Variants in DCBLD2 observed in about 807,000 individuals in gnomAD.
DCBLD2 encodes the protein discoidin, CUB and LCCL domain-containing protein 2.
A neutral mutation model predicts 86.8 loss-of-function variants in DCBLD2; 54 were observed. The ratio of observed to expected loss-of-function variants is 0.62; its 90% CI spans 0.50 to 0.78. DCBLD2 has a LOEUF of 0.78. Ranked by LOEUF, DCBLD2 falls within the 30% of genes least tolerant of loss-of-function variation. The probability of loss-of-function intolerance (pLI) is 0.00; values close to 1 mark genes in which losing one functional copy is unlikely to be tolerated. For missense variants in DCBLD2, 908 were observed against 954.2 expected (o/e 0.95, Z 0.64); for synonymous variants, 354 against 341.3 (o/e 1.04, Z -0.41).
At chr3:98,811,059 T>A (rs1941928643) in intron 12 of DCBLD2, 135 bp downstream of exon 12, 1 of 1,019,082 alleles carries the variant, frequency 9.8e-7, no homozygotes. Context: ...TGAAAGAAAA[T>A]AAATTTTTTT....
rs533648747 is a variant in DCBLD2 at position 98,828,211 on chromosome 3, T to C, written c.572-2845A>G. Among the ~76,000 whole-genome samples, 81 of 152,152 alleles carry C rather than the reference T, an allele frequency of 5.3e-4. 1 individual carries two copies. Among genetic ancestry groups the C allele is most frequent in the African/African-American group, 1.9e-3 (77 of 41,524 alleles). On this transcript the variant is annotated intron_variant, in intron 3 of 15. Transcript: ENST00000326840. Reference sequence around the variant, plus strand: ...GAAAACAAATAAAAATAAATGGAAGTTCATCAAGATTAAAAACTTTTGTAC... The same window carrying C: ...GAAAACAAATAAAAATAAATGGAAGCTCATCAAGATTAAAAACTTTTGTAC...
chr3:98,890,942 A>G (rs771592039), intron 1 of DCBLD2, among the ~76,000 whole-genome samples: 22 of 152,218 alleles, frequency 1.4e-4, no homozygotes, highest in Non-Finnish European at 1.3e-4. Flanking sequence ...GTTCCACTTC[A>G]TTTGAAACTC....
chr3:98,901,668 C>T lies in DCBLD2; in HGVS notation c.-342G>A, dbSNP rs1301679026. 2 of 186,246 alleles carry T rather than the reference C, an allele frequency of 1.1e-5. No individual in the cohort carries two copies. Among genetic ancestry groups the T allele is most frequent in the South Asian group, 1.9e-4 (1 of 5,186 alleles). 11.5% of individuals were successfully genotyped at this position (186,246 alleles called of 1,614,324 possible). On this transcript the variant is annotated 5_prime_UTR_variant, in exon 1 of 16. Transcript: ENST00000326840. ...GGTCGCCGCTCGCCGCGCTCACCCG[C>T]GGCTCCGGCTAGCTGGCAGGCAGGC...
chr3:98,843,270 T>G (rs1336037114), intron 3 of DCBLD2, among the ~76,000 whole-genome samples: 1 of 152,208 alleles, frequency 6.6e-6, no homozygotes, highest in East Asian at 1.9e-4. Context: ...GAATGTAAAC[T>G]GAAACTTCAT....
At position 98,847,808 on chromosome 3, in the gene DCBLD2, T is replaced by C. The variant is rs1942754625; in HGVS notation, c.571+1653A>G. The stretch of plus-strand genomic sequence containing the variant: ...AAATTTAAATGATTGTTTTGATATA[T>C]TCTTGTACTAGCAACACTTATTAAA... On this transcript the variant is annotated intron_variant, in intron 3 of 15. Transcript: ENST00000326840. Among the ~76,000 whole-genome samples, 7 of 152,266 alleles carry C rather than the reference T, an allele frequency of 4.6e-5. No individual in the cohort carries two copies. In the South Asian group the frequency reaches 1.4e-3, roughly 32 times the overall value.
At chr3:98,817,710 G>C in intron 9 of DCBLD2, 59 bp downstream of exon 9, 1 of 1,557,026 alleles carries the variant, frequency 6.4e-7, no homozygotes, top group Non-Finnish European at 8.8e-7. Flanking sequence ...AGAGCTCTGT[G>C]ACTTGGCAAC....
At chr3:98,884,921 GT>G (rs1657353431) in intron 1 of DCBLD2, among the ~76,000 whole-genome samples, 1 of 152,078 alleles carries the variant, frequency 6.6e-6, no homozygotes, top group Non-Finnish European at 1.5e-5. Context: ...TTTACAAAGA[GT>G]ACACGCAGAG....
chr3:98,881,419 C>T, intron 2 of DCBLD2, 121 bp downstream of exon 2: 2 of 858,104 alleles, frequency 2.3e-6, no homozygotes, highest in Non-Finnish European at 3.6e-6. Context: ...AATTTTTACA[C>T]ATATTCAATA....
chr3:98,892,809 A>G (rs1943685762), intron 1 of DCBLD2, among the ~76,000 whole-genome samples: 1 of 152,154 alleles, frequency 6.6e-6, no homozygotes, highest in Admixed American at 6.5e-5. Flanking sequence ...ATCCAGACCT[A>G]TAAAGCTGGC....
Position 98,822,331 on chromosome 3 carries a change from C to T in DCBLD2, c.727G>A (p.Ala243Thr), listed in dbSNP as rs779687763. ...CCCAACGTGTTTGACACTACTCCTG[C>T]ATGCACACCAGCCATGCACAATGGC... ...SSPLCMAGVHAGVVSNTLGGQ... is the reference protein window; with the variant it reads ...SSPLCMAGVHTGVVSNTLGGQ... The change falls in exon 6 of 16, where the codon GCA (alanine) becomes ACA (threonine). Residue 243 changes from alanine (A) to threonine (T), a missense_variant. By Grantham distance (58) the Ala-to-Thr change is moderately conservative. Transcript: ENST00000326840. The T allele has an allele frequency of 1.9e-6, 3 of 1,613,852 alleles. No homozygotes were observed. The highest frequency in any genetic ancestry group is 2.5e-6 in the Non-Finnish European group (3 of 1,179,888).
intron 12 of DCBLD2, 134 bp downstream of exon 12, chr3:98,811,059 TA>T: frequency 9.8e-7 from 1 of 1,019,200 alleles, no homozygotes; most frequent in Non-Finnish European, 1.4e-6. Context: ...TGAAAGAAAA[TA>T]AATTTTTTTT....
At chr3:98,882,113 A>C (rs1248444008) in intron 1 of DCBLD2, among the ~76,000 whole-genome samples, 1 of 152,218 alleles carries the variant, frequency 6.6e-6, no homozygotes, top group African/African-American at 2.4e-5. Context: ...CCTTTAACAA[A>C]TCACAAGACC....
At chr3:98,838,532 G>C (rs1434230397) in intron 3 of DCBLD2, among the ~76,000 whole-genome samples, 3 of 143,644 alleles carry the variant, frequency 2.1e-5, no homozygotes, top group Non-Finnish European at 4.6e-5. Context: ...ATGGGATGGC[G>C]GCCGGGCGGA....
intron 3 of DCBLD2, among the ~76,000 whole-genome samples, chr3:98,847,383 G>A (rs1314512485): frequency 8.5e-5 from 13 of 152,152 alleles, no homozygotes; most frequent in African/African-American, 2.9e-4. Context: ...TGGTTCTGTC[G>A]AAAATATTAA....
At chr3:98,895,625 T>C (rs753575880) in intron 1 of DCBLD2, among the ~76,000 whole-genome samples, 2 of 151,988 alleles carry the variant, frequency 1.3e-5, no homozygotes, top group Non-Finnish European at 2.9e-5. Flanking sequence ...TCTCCAGGAG[T>C]TGTGAGCTTT....
intron 5 of DCBLD2, 104 bp downstream of exon 5, chr3:98,822,565 A>C (rs1304039424): frequency 7.7e-7 from 1 of 1,305,126 alleles, no homozygotes; most frequent in Non-Finnish European, 1.0e-6. Context: ...TGTCTTAAAA[A>C]GGCAAAAGAT....
chr3:98,875,040 G>A (rs373730609), intron 2 of DCBLD2, among the ~76,000 whole-genome samples: 2 of 152,132 alleles, frequency 1.3e-5, no homozygotes, highest in East Asian at 3.8e-4. Context: ...ACTGTTTAAC[G>A]TAGTCCTGGA....
At chr3:98,863,175 G>A (rs1483345850) in intron 2 of DCBLD2, among the ~76,000 whole-genome samples, 1 of 152,146 alleles carries the variant, frequency 6.6e-6, no homozygotes, top group Non-Finnish European at 1.5e-5. Flanking sequence ...GGATGTGAAG[G>A]ACCTCTTCAA....
intron 2 of DCBLD2, among the ~76,000 whole-genome samples, chr3:98,859,868 G>C (rs775828159): frequency 1.3e-5 from 2 of 152,230 alleles, no homozygotes; most frequent in Non-Finnish European, 2.9e-5. Flanking sequence ...AACAAAGCTG[G>C]ACGGAGAATG....
Sources: gnomAD v4.1 joint callset for allele counts (sites outside exome capture counted in the v4.1 genomes callset) on GRCh38, gnomAD v4.1.1 for gene constraint, MANE v1.5 for transcripts, NCBI Gene and HGNC (gene_info 2026-07-23, HGNC 2026-07-21) for gene names.